The following MTFR2 variants were observed in gnomAD, a reference collection of about 807,000 sequenced individuals.
The protein encoded by MTFR2 is DUF729 domain-containing protein 1.
In MTFR2, 44 loss-of-function variants were observed where a neutral mutation model predicts 41.2. The ratio of observed to expected loss-of-function variants is 1.07; its 90% CI spans 0.84 to 1.37. The LOEUF is 1.37. Ranked by LOEUF, MTFR2 falls within the 40% of genes most tolerant of loss-of-function variation. The pLI is 0.00. For missense variants in MTFR2, 452 were observed against 459.5 expected (o/e 0.98, Z 0.15); for synonymous variants, 141 against 154.6 (o/e 0.91, Z 0.65).
intron 7 of MTFR2, among the ~76,000 whole-genome samples, chr6:136,231,737 G>A (rs1779765873): frequency 6.9e-6 from 1 of 145,474 alleles, no homozygotes; most frequent in Admixed American, 6.8e-5. Flanking sequence ...AAAGTGCTAA[G>A]AGACACTGAA....
At chr6:136,240,944 A>G (rs1199613637) in intron 5 of MTFR2, among the ~76,000 whole-genome samples, 14 of 152,108 alleles carry the variant, frequency 9.2e-5, no homozygotes, top group African/African-American at 3.1e-4. Context: ...ACAAAAAATT[A>G]GCCGAGCGTG....
At chr6:136,236,532 AAC>A (rs1779910125) in intron 6 of MTFR2, among the ~76,000 whole-genome samples, 1 of 152,220 alleles carries the variant, frequency 6.6e-6, no homozygotes, top group Non-Finnish European at 1.5e-5. Context: ...CAGTGATGGT[AAC>A]AGTCACAGAG....
At chr6:136,236,661 TG>T (rs1399442463) in intron 6 of MTFR2, among the ~76,000 whole-genome samples, 2 of 152,106 alleles carry the variant, frequency 1.3e-5, no homozygotes, top group Non-Finnish European at 2.9e-5. Flanking sequence ...CTGTGGTTAC[TG>T]GTTTCCCTTC....
chr6:136,248,427 A>G (rs963236865), intron 2 of MTFR2, among the ~76,000 whole-genome samples: 1 of 152,206 alleles, frequency 6.6e-6, no homozygotes, highest in Non-Finnish European at 1.5e-5. Flanking sequence ...GTAGTGAATA[A>G]GTCTCATGAG....
Position 136,239,744 on chromosome 6 carries a change from G to A in MTFR2, c.591C>T (p.Asp197=). 3 of 1,614,036 alleles carry A rather than the reference G, an allele frequency of 1.9e-6. No individual in the cohort carries two copies. The highest frequency in any genetic ancestry group is 2.2e-5 in the South Asian group (2 of 91,080). Residue 197 remains aspartate (D), a synonymous_variant, in exon 6 of 8, where the codon GAC becomes GAT. Transcript: ENST00000420702. ...GCACTGAACCTGGAAGCTGATCTGGGTCCACACTCAGATGGGCAGCCCGCG... is the reference window on the plus strand; with the variant it reads ...GCACTGAACCTGGAAGCTGATCTGGATCCACACTCAGATGGGCAGCCCGCG... ...SSSRAAHLSV[D]PDQLPGSVLS... is the part of the protein sequence containing the mutation.
intron 2 of MTFR2, among the ~76,000 whole-genome samples, chr6:136,248,488 C>T (rs912406208): frequency 2.0e-5 from 3 of 152,182 alleles, no homozygotes; most frequent in South Asian, 2.1e-4. Context: ...CTCTTGCCTG[C>T]CACCATGTAA....
intron 5 of MTFR2, among the ~76,000 whole-genome samples, chr6:136,240,930 A>G (rs1419402845): frequency 6.6e-6 from 1 of 152,178 alleles, no homozygotes; most frequent in Non-Finnish European, 1.5e-5. Flanking sequence ...TCTCTACTAA[A>G]AATACAAAAA....
chr6:136,240,997 A>G (rs540049428), intron 5 of MTFR2, among the ~76,000 whole-genome samples: 9 of 151,974 alleles, frequency 5.9e-5, no homozygotes, highest in South Asian at 2.1e-4. Flanking sequence ...AGGCTGAGGC[A>G]GGAGAATGGC....
intron 1 of MTFR2, among the ~76,000 whole-genome samples, chr6:136,249,775 G>C (rs568482956): frequency 1.3e-5 from 2 of 152,228 alleles, no homozygotes; most frequent in African/African-American, 4.8e-5. Flanking sequence ...TTTGCCTTCA[G>C]CAATGATTGT....
chr6:136,248,924 C>G, intron 2 of MTFR2, 113 bp downstream of exon 2: 1 of 879,728 alleles, frequency 1.1e-6, no homozygotes, highest in Non-Finnish European at 1.7e-6. Flanking sequence ...TTTGTTCCAA[C>G]TAAAAAGAAG....
intron 3 of MTFR2, among the ~76,000 whole-genome samples, chr6:136,244,020 A>T (rs1289393455): frequency 6.6e-6 from 1 of 152,196 alleles, no homozygotes; most frequent in East Asian, 1.9e-4. Flanking sequence ...AATATTTTGT[A>T]TAGCAGTACA....
chr6:136,248,945 G>T, intron 2 of MTFR2, 92 bp downstream of exon 2: 2 of 1,108,140 alleles, frequency 1.8e-6, no homozygotes, highest in Non-Finnish European at 1.3e-6. Context: ...CAACAACTTT[G>T]CCTTAAATCA....
At chr6:136,241,139 C>T (rs933353206) in intron 5 of MTFR2, among the ~76,000 whole-genome samples, 4 of 149,086 alleles carry the variant, frequency 2.7e-5, no homozygotes, top group East Asian at 2.0e-4. Context: ...CTTTTTAATA[C>T]AAAAATACAA....
At chr6:136,236,306 G>T (rs1583961222) in intron 6 of MTFR2, among the ~76,000 whole-genome samples, 1 of 152,130 alleles carries the variant, frequency 6.6e-6, no homozygotes, top group African/African-American at 2.4e-5. Flanking sequence ...AGGGAAACCA[G>T]TAACCAAAGG....
rs559663641 is a variant in MTFR2 at position 136,246,647 on chromosome 6, T to C, written c.64-1778A>G. ...TGGTCTAGTACCCACATTTTGACTT[T>C]ACTAATTTTCCTACCAAGCATGGAT... is the stretch of plus-strand genomic sequence containing the variant. On this transcript the variant is annotated intron_variant, in intron 2 of 7. Transcript: ENST00000420702. Among the ~76,000 whole-genome samples the C allele has an allele frequency of 3.9e-5, 6 of 152,288 alleles. No homozygotes were observed. The East Asian group carries it at 9.6e-4, about 24-fold the overall frequency.
chr6:136,241,051 A>C (rs1562211155), intron 5 of MTFR2, among the ~76,000 whole-genome samples: 1 of 151,424 alleles, frequency 6.6e-6, no homozygotes. Flanking sequence ...AGATCGTGCC[A>C]CTGCACTCCA....
At chr6:136,236,249 T>C (rs959669557) in intron 6 of MTFR2, among the ~76,000 whole-genome samples, 1 of 152,102 alleles carries the variant, frequency 6.6e-6, no homozygotes, top group Non-Finnish European at 1.5e-5. Context: ...GACTCAGTGA[T>C]GCAGAAGGGC....
In MTFR2 at chr6:136,233,366, ATCTATTCTCT is replaced by A; in HGVS notation, c.993_1002del (p.Lys331AsnfsTer48). 6.2e-7 allele frequency: 1 copy of A among 1,612,778 alleles called. No homozygotes were observed. The highest frequency in any genetic ancestry group is 8.5e-7 in the Non-Finnish European group (1 of 1,179,218). On this transcript the variant is annotated frameshift_variant, in exon 7 of 8. Transcript: ENST00000420702. LOFTEE classifies it high-confidence loss of function. ...CTAGAAAATGGGGAAGATTCCCAAG[ATCTATTCTCT>A]TTCTCAAAAGAATCATCTTCTTGAA...
chr6:136,239,656 GA>G lies in MTFR2; in HGVS notation c.678del (p.Pro227LeufsTer20), dbSNP rs1160205878. ...PQFSSLQPPC[F>X]PPVQPGSNNI... ...TTATTAGATCCTGGTTGTACGGGAG[GA>G]AAACACGGTGGCTGGAGAGATGAAA... On this transcript the variant is annotated frameshift_variant, in exon 6 of 8. Coordinates refer to ENST00000420702, the MANE Select transcript of MTFR2 (RefSeq NM_001099286.3). LOFTEE classifies it high-confidence loss of function. The G allele has an allele frequency of 6.2e-7, 1 of 1,614,034 alleles. No homozygotes were observed. Among genetic ancestry groups the G allele is most frequent in the Non-Finnish European group, 8.5e-7 (1 of 1,180,018 alleles).
Sources: gnomAD v4.1 joint callset for allele counts (sites outside exome capture counted in the v4.1 genomes callset) on GRCh38, gnomAD v4.1.1 for gene constraint, MANE v1.5 for transcripts, NCBI Gene and HGNC (gene_info 2026-07-23, HGNC 2026-07-21) for gene names.